CBFA2T3: variants seen among roughly 807,000 people sequenced by gnomAD.
CBFA2T3 encodes CBFA2/RUNX1 partner transcriptional co-repressor 3, also known as transcriptional corepressor CBFA2T3.
Under a neutral mutation model 58.6 loss-of-function variants are expected in CBFA2T3, and 31 were observed. The observed-to-expected ratio is 0.53, with a 90% CI of 0.40 to 0.71. The LOEUF is 0.71. Ranked by LOEUF, CBFA2T3 falls within the 30% of genes least tolerant of loss-of-function variation. The pLI is 0.00. For missense variants in CBFA2T3, 1,076 were observed against 963.1 expected (o/e 1.12, Z -1.55); for synonymous variants, 531 against 421.9 (o/e 1.26, Z -3.17).
chr16:88,969,111 C>T lies in CBFA2T3; in HGVS notation c.151+7546G>A, dbSNP rs1048688612. 3.3e-5 allele frequency among the ~76,000 whole-genome samples: 5 copies of T among 152,336 alleles called. No homozygotes were observed. In the Middle Eastern group the frequency reaches 0.01, roughly 311 times the overall value. On this transcript the variant is annotated intron_variant, in intron 1 of 11. Coordinates refer to ENST00000268679, the MANE Select transcript of CBFA2T3 (RefSeq NM_005187.6). ...GTCGGCTGGGTCAGGCTGGCTCCAC[C>T]GGCTCTGGGATTCGGCTGCAGCCTG...
chr16:88,966,089 CGT>C (rs958683324), intron 1 of CBFA2T3, among the ~76,000 whole-genome samples: 1 of 152,230 alleles, frequency 6.6e-6, no homozygotes, highest in Non-Finnish European at 1.5e-5. Flanking sequence ...CGCCTCCTCT[CGT>C]AGCTGCAAGG....
At chr16:88,898,974 C>T (rs1043263601) in intron 2 of CBFA2T3, among the ~76,000 whole-genome samples, 11 of 152,206 alleles carry the variant, frequency 7.2e-5, no homozygotes, top group African/African-American at 2.4e-4. Context: ...TGGGGGTAAT[C>T]AAGGGCAGGA....
rs570937609 is a variant in CBFA2T3 at position 88,932,088 on chromosome 16, C to T, written c.152-30432G>A. On this transcript the variant is annotated intron_variant, in intron 1 of 11. Transcript: ENST00000268679. The stretch of plus-strand genomic sequence containing the variant: ...TTACACACATGCACCTGCACGTGCG[C>T]CCCTGGCAACGGCACCCGACGCAGT... Among the ~76,000 whole-genome samples the T allele has an allele frequency of 7.2e-5, 11 of 152,300 alleles. No individual in the cohort carries two copies. The South Asian group carries it at 2.3e-3, about 32-fold the overall frequency.
chr16:88,961,571 G>A (rs1344308304), intron 1 of CBFA2T3, among the ~76,000 whole-genome samples: 3 of 130,188 alleles, frequency 2.3e-5, no homozygotes, highest in African/African-American at 6.1e-5. Context: ...CATAGTAACC[G>A]ACACTCAGCA....
intron 1 of CBFA2T3, among the ~76,000 whole-genome samples, chr16:88,952,242 C>T (rs1014973004): frequency 4.6e-5 from 7 of 152,212 alleles, no homozygotes; most frequent in African/African-American, 7.2e-5. Context: ...CTGACAAAGC[C>T]GTCTATCATT....
Position 88,898,153 on chromosome 16 carries a change from C to G in CBFA2T3, c.305-1G>C. ...AGCGTCGCAGGCCCGTCCTCTCGAT[C>G]TGTAAGCAAAATAAGAAGAACACGC... On this transcript the variant is annotated splice_acceptor_variant, in intron 2 of 11. Transcript: ENST00000268679. LOFTEE classifies it high-confidence loss of function. 1 of 1,611,426 alleles carries G rather than the reference C, an allele frequency of 6.2e-7. No individual in the cohort carries two copies. The highest frequency in any genetic ancestry group is 8.5e-7 in the Non-Finnish European group (1 of 1,178,624).
chr16:88,975,243 C>G (rs74493899), intron 1 of CBFA2T3, among the ~76,000 whole-genome samples: 173 of 55,120 alleles, frequency 3.1e-3, no homozygotes, highest in Middle Eastern at 9.6e-3. Context: ...ATGTCAGAGG[C>G]CCGCCCTGAC....
intron 1 of CBFA2T3, among the ~76,000 whole-genome samples, chr16:88,951,826 G>C (rs1466015159): frequency 6.6e-6 from 1 of 152,226 alleles, no homozygotes; most frequent in African/African-American, 2.4e-5. Context: ...GACAGCCGCT[G>C]GGAAGAGAAG....
chr16:88,897,578 T>C (rs1227563055), intron 3 of CBFA2T3, among the ~76,000 whole-genome samples: 1 of 152,240 alleles, frequency 6.6e-6, no homozygotes, highest in Non-Finnish European at 1.5e-5. Context: ...TGACGGCTCC[T>C]GGAGATCACC....
intron 1 of CBFA2T3, among the ~76,000 whole-genome samples, chr16:88,927,848 T>C (rs1468012162): frequency 2.6e-5 from 4 of 152,206 alleles, no homozygotes; most frequent in African/African-American, 9.6e-5. Flanking sequence ...CCCCTCCTGC[T>C]GGGCTGCACG....
intron 1 of CBFA2T3, chr16:88,941,853 G>A (rs554516628): frequency 7.5e-6 from 1 of 133,704 alleles, no homozygotes; most frequent in Non-Finnish European, 1.8e-5. Context: ...ACGGGAGTTG[G>A]GGGGTGTGGG....
intron 3 of CBFA2T3, among the ~76,000 whole-genome samples, chr16:88,896,230 G>A (rs1361340521): frequency 6.6e-6 from 1 of 152,160 alleles, no homozygotes; most frequent in Non-Finnish European, 1.5e-5. Flanking sequence ...CTACGGGGGG[G>A]CTGCAGGATT....
In CBFA2T3 at chr16:88,882,910, G is replaced by A. The variant is rs1307059598; in HGVS notation, c.1118-149C>T. On this transcript the variant is annotated intron_variant, in intron 7 of 11. Transcript: ENST00000268679. ...GGGTAACCGAAGGGCTGGTTGACTTGGTGACCGTGGAGGATGCCTGGGTTA... is the reference window on the plus strand; with the variant it reads ...GGGTAACCGAAGGGCTGGTTGACTTAGTGACCGTGGAGGATGCCTGGGTTA... 4 of 654,286 alleles carry A rather than the reference G, an allele frequency of 6.1e-6. No individual in the cohort carries two copies. In the Admixed American group the frequency reaches 8.9e-5, roughly 15 times the overall value. The allele number at this position is 654,286 out of a possible 1,614,324, so 40.5% of individuals were successfully genotyped here.
chr16:88,969,163 A>C (rs955949355), intron 1 of CBFA2T3, among the ~76,000 whole-genome samples: 4 of 152,156 alleles, frequency 2.6e-5, no homozygotes, highest in Admixed American at 2.6e-4. Context: ...GGTCACCGCC[A>C]TCTGGAGTGA....
intron 3 of CBFA2T3, among the ~76,000 whole-genome samples, chr16:88,895,027 C>A (rs113321329): frequency 6.6e-5 from 10 of 152,308 alleles, no homozygotes; most frequent in African/African-American, 2.4e-4. Context: ...GAGGTGACCC[C>A]TGCTGAGTGT....
intron 1 of CBFA2T3, among the ~76,000 whole-genome samples, chr16:88,913,647 G>C (rs897567491): frequency 4.6e-5 from 7 of 152,174 alleles, no homozygotes; most frequent in African/African-American, 1.7e-4. Flanking sequence ...CTCCGTGGGG[G>C]GGTCTCAGCC....
At chr16:88,926,614 G>A (rs528593139) in intron 1 of CBFA2T3, among the ~76,000 whole-genome samples, 183 of 152,326 alleles carry the variant, frequency 1.2e-3, no homozygotes, top group African/African-American at 4.3e-3. Context: ...GTGGGTGAGC[G>A]CTGCCCCCAC....
intron 1 of CBFA2T3, among the ~76,000 whole-genome samples, chr16:88,926,359 G>C (rs893008526): frequency 2.0e-5 from 3 of 152,226 alleles, no homozygotes; most frequent in Non-Finnish European, 4.4e-5. Context: ...GGCCCCCCAA[G>C]CGCTCCGAGG....
intron 1 of CBFA2T3, among the ~76,000 whole-genome samples, chr16:88,943,228 C>A (rs1388772165): frequency 6.6e-6 from 1 of 152,230 alleles, no homozygotes; most frequent in Non-Finnish European, 1.5e-5. Flanking sequence ...ACAATGCCTG[C>A]GGCAGCTGTG....
Sources: allele counts gnomAD v4.1 joint callset (sites outside exome capture counted in the v4.1 genomes callset), GRCh38; gene constraint gnomAD v4.1.1; transcripts MANE v1.5; gene names NCBI Gene and HGNC (gene_info 2026-07-23, HGNC 2026-07-21).